NOX4: variants seen among roughly 807,000 people sequenced by gnomAD.
NOX4 encodes kidney oxidase-1.
Under a neutral mutation model 87.6 loss-of-function variants are expected in NOX4, and 69 were observed. The ratio of observed to expected loss-of-function variants is 0.79; its 90% CI spans 0.65 to 0.96. NOX4 has a LOEUF of 0.96. Ranked by LOEUF, NOX4 falls within the 40% of genes least tolerant of loss-of-function variation. The probability of loss-of-function intolerance (pLI) is 0.00; values close to 1 mark genes in which losing one functional copy is unlikely to be tolerated. For synonymous variants in NOX4, 275 were observed against 238.2 expected, an observed-to-expected ratio of 1.15 and a Z score of -1.42; for missense variants, 680 against 681.5, an observed-to-expected ratio of 1.00 and a Z score of 0.02.
chr11:89,409,608 A>T (rs1001640990), intron 8 of NOX4, among the ~76,000 whole-genome samples: 1 of 152,194 alleles, frequency 6.6e-6, no homozygotes, highest in Non-Finnish European at 1.5e-5. Context: ...AATGTGAATA[A>T]ACCATAAGAT....
chr11:89,455,719 C>CATATATAT (rs60864771), intron 2 of NOX4, among the ~76,000 whole-genome samples: 275 of 141,050 alleles, frequency 1.9e-3, no homozygotes, highest in African/African-American at 5.2e-3. Context: ...AAGATGAAGT[C>CATATATAT]ATATATATAT....
At chr11:89,401,992 GT>G (rs912421795) in intron 9 of NOX4, among the ~76,000 whole-genome samples, 1 of 151,648 alleles carries the variant, frequency 6.6e-6, no homozygotes, top group Non-Finnish European at 1.5e-5. Flanking sequence ...TTGGTGGTAG[GT>G]TTTTTTAACT....
chr11:89,326,697 CAA>C lies in NOX4; in HGVS notation c.*57_*58del, dbSNP rs1945230827. On this transcript the variant is annotated 3_prime_UTR_variant, in exon 18 of 18. Transcript: ENST00000263317. ...ACAGCTGATTGATTCCGCTGAGTTT[CAA>C]AGTCTTAGAAATTGCACTCATTCCT... is the stretch of plus-strand genomic sequence containing the variant. 5 of 1,524,208 alleles carry C rather than the reference CAA, an allele frequency of 3.3e-6. No homozygotes were observed. The highest frequency in any genetic ancestry group is 3.6e-5 in the Admixed American group (2 of 54,934). 94.4% of individuals were successfully genotyped at this position (1,524,208 alleles called of 1,614,324 possible). A position where few individuals can be genotyped will look rare whatever the true frequency, so the allele number is the denominator to read the frequency against.
At chr11:89,406,462 A>G (rs1942189440) in intron 8 of NOX4, among the ~76,000 whole-genome samples, 2 of 152,140 alleles carry the variant, frequency 1.3e-5, no homozygotes, top group Non-Finnish European at 1.5e-5. Context: ...CTATTTGCCA[A>G]ACAATACTGC....
At chr11:89,509,587 G>A in the NOX4 span, among the ~76,000 whole-genome samples, 2 of 151,992 alleles carry the variant, frequency 1.3e-5, no homozygotes, top group Non-Finnish European at 2.9e-5. Context: ...AAAGATTTAG[G>A]AAAGCCATCA....
the NOX4 span, among the ~76,000 whole-genome samples, chr11:89,534,407 G>A: frequency 6.6e-6 from 1 of 152,104 alleles, no homozygotes; most frequent in East Asian, 1.9e-4. Flanking sequence ...TGATCTATAG[G>A]CTTGACCCTT....
the NOX4 span, among the ~76,000 whole-genome samples, chr11:89,535,719 A>T: frequency 6.6e-5 from 10 of 152,058 alleles, no homozygotes; most frequent in African/African-American, 2.2e-4. Context: ...CTTTTAACTA[A>T]AGAGTGTAGC....
chr11:89,489,954 G>A (rs1258632503), intron 2 of NOX4, among the ~76,000 whole-genome samples: 1 of 152,106 alleles, frequency 6.6e-6, no homozygotes, highest in South Asian at 2.1e-4. Flanking sequence ...GTAGAATACT[G>A]GAATATCATC....
the NOX4 span, among the ~76,000 whole-genome samples, chr11:89,534,484 T>C: frequency 6.6e-6 from 1 of 152,238 alleles, no homozygotes; most frequent in Non-Finnish European, 1.5e-5. Context: ...GCTCACCACA[T>C]ATCATAACTA....
chr11:89,332,497 T>C (rs567204285), intron 17 of NOX4, among the ~76,000 whole-genome samples: 5 of 152,026 alleles, frequency 3.3e-5, no homozygotes, highest in South Asian at 4.1e-4. Context: ...TTTCTAATAG[T>C]TTATTAAATA....
chr11:89,555,648 G>T, the NOX4 span, among the ~76,000 whole-genome samples: 2 of 152,038 alleles, frequency 1.3e-5, no homozygotes, highest in East Asian at 1.9e-4. Flanking sequence ...GACGGGAAAG[G>T]CAGGCTAAGT....
chr11:89,377,052 T>C (rs1939900280), intron 11 of NOX4, among the ~76,000 whole-genome samples: 2 of 152,090 alleles, frequency 1.3e-5, no homozygotes, highest in African/African-American at 2.4e-5. Flanking sequence ...AGTGAGATTC[T>C]GTCTCAAAAT....
At chr11:89,584,632 C>G in the NOX4 span, among the ~76,000 whole-genome samples, 1 of 152,074 alleles carries the variant, frequency 6.6e-6, no homozygotes, top group South Asian at 2.1e-4. Context: ...AACTATAATG[C>G]TTATTGGGAA....
the NOX4 span, among the ~76,000 whole-genome samples, chr11:89,560,003 G>A: frequency 0.015 from 2,294 of 152,178 alleles, 52 homozygotes; most frequent in African/African-American, 0.048. Flanking sequence ...CTATGAATGC[G>A]ACCTCATTTG....
chr11:89,442,250 GA>G (rs969608131), intron 5 of NOX4, among the ~76,000 whole-genome samples: 16 of 148,964 alleles, frequency 1.1e-4, no homozygotes, highest in African/African-American at 2.5e-4. Flanking sequence ...CTTAGATTGG[GA>G]AAAAAAAACA....
chr11:89,374,935 G>A (rs1440434171), intron 11 of NOX4, among the ~76,000 whole-genome samples: 2 of 152,044 alleles, frequency 1.3e-5, no homozygotes, highest in African/African-American at 4.8e-5. Context: ...GATGCTATAA[G>A]GAGAGAAATA....
At chr11:89,508,125 T>C in the NOX4 span, among the ~76,000 whole-genome samples, 2 of 152,092 alleles carry the variant, frequency 1.3e-5, no homozygotes, top group Non-Finnish European at 2.9e-5. Flanking sequence ...ACTGACTTTC[T>C]TGTAACCCTC....
intron 17 of NOX4, among the ~76,000 whole-genome samples, chr11:89,334,188 A>G (rs1328075152): frequency 3.3e-5 from 5 of 151,716 alleles, no homozygotes; most frequent in Non-Finnish European, 7.4e-5. Context: ...GGCACTAAAG[A>G]GGAACATGTC....
At chr11:89,400,847 ATG>A (rs1017266316) in intron 9 of NOX4, among the ~76,000 whole-genome samples, 6 of 119,382 alleles carry the variant, frequency 5.0e-5, no homozygotes, top group African/African-American at 2.2e-4. Context: ...TACATATAAT[ATG>A]TATATATATA....
Sources: allele counts gnomAD v4.1 joint callset (sites outside exome capture counted in the v4.1 genomes callset), GRCh38; gene constraint gnomAD v4.1.1; transcripts MANE v1.5; gene names NCBI Gene and HGNC (gene_info 2026-07-23, HGNC 2026-07-21).